TTL: variants seen among roughly 807,000 people sequenced by gnomAD.
TTL encodes tubulin--tyrosine ligase.
A neutral mutation model predicts 41.1 loss-of-function variants in TTL; 10 were observed. The ratio of observed to expected loss-of-function variants is 0.24; its 90% confidence interval spans 0.15 to 0.41. TTL has a LOEUF of 0.41. Ranked by LOEUF, TTL falls within the 10% of genes least tolerant of loss-of-function variation. The pLI, the probability that TTL is intolerant of heterozygous loss-of-function variation, is 1.00. For missense variants in TTL, 367 were observed against 460.4 expected (o/e 0.80, Z 1.86); for synonymous variants, 175 against 175.5 (o/e 1.00, Z 0.02).
At chr2:112,520,574 G>C in intron 6 of TTL, 149 bp downstream of exon 6, 1 of 1,096,324 alleles carries the variant, frequency 9.1e-7, no homozygotes, top group Non-Finnish European at 1.3e-6. Flanking sequence ...TCTGGCAGGG[G>C]GCTTTGCTGA....
chr2:112,523,546 G>A (rs56404625), intron 6 of TTL, among the ~76,000 whole-genome samples: 3,566 of 151,806 alleles, frequency 0.023, 70 homozygotes, highest in Non-Finnish European at 0.038. Flanking sequence ...TCACTGGGGA[G>A]TCTTCTCCAG....
At chr2:112,516,046 C>G (rs951947252) in intron 5 of TTL, among the ~76,000 whole-genome samples, 3 of 152,090 alleles carry the variant, frequency 2.0e-5, no homozygotes, top group African/African-American at 4.8e-5. Context: ...ACCTTAGATT[C>G]ATTTTGCTTG....
rs1289850439 is a variant in TTL, at chr2:112,486,035, T to G, written c.236+40T>G. 3 of 1,599,144 alleles carry G rather than the reference T, an allele frequency of 1.9e-6. No homozygotes were observed. The African/African-American group carries it at 4.0e-5, about 21-fold the overall frequency. ...CGCTGTTTTCCATTTTTTACCTAAA[T>G]GAAGCACTTAGGCAAAAATGTGGGG... is the stretch of plus-strand genomic sequence containing the variant. On this transcript the variant is annotated intron_variant, in intron 2 of 6. Coordinates refer to ENST00000233336, the MANE Select transcript of TTL (RefSeq NM_153712.5).
rs529952058 is a variant in TTL at position 112,531,064 on chromosome 2, C to T, written c.*2269C>T. ...TTGTAATCATAGCACACTGCAGCCT[C>T]GAATTTCTGGGCTTGAGCAGTCCTC... is the stretch of plus-strand genomic sequence containing the variant. On this transcript the variant is annotated 3_prime_UTR_variant, in exon 7 of 7. Transcript: ENST00000233336. 200 of 203,174 alleles carry T rather than the reference C, an allele frequency of 9.8e-4. 4 individuals are homozygous for T. In the South Asian group the frequency reaches 0.036, roughly 36 times the overall value. The allele number at this position is 203,174 out of a possible 1,614,324, so 12.6% of individuals were successfully genotyped here. A position where few individuals can be genotyped will look rare whatever the true frequency, so the allele number is the denominator to read the frequency against.
rs1682565177 is a variant in TTL at position 112,534,492 on chromosome 2, G to A, written c.*5697G>A. 1 of 152,840 alleles carries A rather than the reference G, an allele frequency of 6.5e-6. No homozygotes were observed. The highest frequency in any genetic ancestry group is 2.1e-4 in the South Asian group (1 of 4,830). 9.5% of individuals were successfully genotyped at this position (152,840 alleles called of 1,614,324 possible). A position where few individuals can be genotyped will look rare whatever the true frequency, so the allele number is the denominator to read the frequency against. On this transcript the variant is annotated 3_prime_UTR_variant, in exon 7 of 7. Transcript: ENST00000233336. ...AGCAGAGCAGCCACCGTAGGGCTCA[G>A]AAGGGGATTGGAACTCCTCCAAAGC...
At chr2:112,514,543 G>A (rs940460806) in intron 5 of TTL, among the ~76,000 whole-genome samples, 3 of 152,156 alleles carry the variant, frequency 2.0e-5, no homozygotes, top group African/African-American at 7.2e-5. Context: ...TACTCTGAAG[G>A]TTGCATACCA....
rs779657981 is a variant in TTL at position 112,494,183 on chromosome 2, T to C, written c.277T>C (p.Trp93Arg). ...CCCTGAACTGGCTGAGTCCTGCACA[T>C]GGTTCCCTGAATCTTATGTGATTTA... The part of the protein sequence containing the change: ...TSPELAESCT[W>R]FPESYVIYPT... Residue 93 changes from tryptophan (W) to arginine (R), a missense_variant, in exon 3 of 7, where the codon TGG becomes CGG. Coordinates refer to ENST00000233336, the MANE Select transcript of TTL (RefSeq NM_153712.5). The C allele has an allele frequency of 1.2e-5, 20 of 1,614,206 alleles. No individual in the cohort carries two copies. In the East Asian group the frequency reaches 4.0e-4, roughly 32 times the overall value.
In TTL at chr2:112,529,393, A is replaced by G. The variant is rs1682451094; in HGVS notation, c.*598A>G. On this transcript the variant is annotated 3_prime_UTR_variant, in exon 7 of 7. Transcript: ENST00000233336. ...GTTTGTGCGGGTTGGGCCCCAAAACAGCATATGCTGCTCTAAGTCTGCTCT... is the reference window on the plus strand; with the variant it reads ...GTTTGTGCGGGTTGGGCCCCAAAACGGCATATGCTGCTCTAAGTCTGCTCT... The G allele has an allele frequency of 4.4e-6, 1 of 229,700 alleles. No homozygotes were observed. The highest frequency in any genetic ancestry group is 8.6e-6 in the Non-Finnish European group (1 of 115,724). The allele number at this position is 229,700 out of a possible 1,614,324, so 14.2% of individuals were successfully genotyped here. A position where few individuals can be genotyped will look rare whatever the true frequency, so the allele number is the denominator to read the frequency against.
rs1250127441 is a variant in TTL, at chr2:112,533,972, C to G, written c.*5177C>G. 2 of 152,042 alleles carry G rather than the reference C, an allele frequency of 1.3e-5. No homozygotes were observed. The highest frequency in any genetic ancestry group is 2.9e-5 in the Non-Finnish European group (2 of 68,006). The allele number at this position is 152,042 out of a possible 1,614,324, so 9.4% of individuals were successfully genotyped here. Reference sequence around the variant, plus strand: ...TAATAGAGTAACAACCTCTGAAAACCCTCTCTTCCATAAAAGCAATGAGAA... The same window carrying G: ...TAATAGAGTAACAACCTCTGAAAACGCTCTCTTCCATAAAAGCAATGAGAA... On this transcript the variant is annotated 3_prime_UTR_variant, in exon 7 of 7. Coordinates refer to ENST00000233336, the MANE Select transcript of TTL (RefSeq NM_153712.5).
At chr2:112,517,516 T>A (rs1187516492) in intron 5 of TTL, among the ~76,000 whole-genome samples, 1 of 151,980 alleles carries the variant, frequency 6.6e-6, no homozygotes, top group East Asian at 1.9e-4. Flanking sequence ...CCCAAAGTGC[T>A]GGGATTACGG....
intron 2 of TTL, among the ~76,000 whole-genome samples, chr2:112,491,479 G>A (rs1207184271): frequency 6.6e-6 from 1 of 152,160 alleles, no homozygotes; most frequent in Non-Finnish European, 1.5e-5. Context: ...GAAAGGTTTT[G>A]TAGTCTGTGG....
rs999237645 is a variant in TTL, at chr2:112,540,920, A to G, written c.*12125A>G. On this transcript the variant is annotated 3_prime_UTR_variant, in exon 7 of 7. Coordinates refer to ENST00000233336, the MANE Select transcript of TTL (RefSeq NM_153712.5). ...AGGTGAAAATCCCCATGATTGAAAAATATCTAGTATTTGATAGCACAACAG... is the reference window on the plus strand; with the variant it reads ...AGGTGAAAATCCCCATGATTGAAAAGTATCTAGTATTTGATAGCACAACAG... 1 of 152,236 alleles carries G rather than the reference A, an allele frequency of 6.6e-6. No homozygotes were observed. Among genetic ancestry groups the G allele is most frequent in the Non-Finnish European group, 1.5e-5 (1 of 68,038 alleles). The allele number at this position is 152,236 out of a possible 1,614,324, so 9.4% of individuals were successfully genotyped here.
At position 112,534,743 on chromosome 2, in the gene TTL, A is replaced by G. The variant is rs1682568686; in HGVS notation, c.*5948A>G. The G allele has an allele frequency of 6.6e-6, 1 of 152,252 alleles. No homozygotes were observed. The highest frequency in any genetic ancestry group is 6.5e-5 in the Admixed American group (1 of 15,272). 9.4% of individuals were successfully genotyped at this position (152,252 alleles called of 1,614,324 possible). A position where few individuals can be genotyped will look rare whatever the true frequency, so the allele number is the denominator to read the frequency against. ...AACTGACCAAAAGACTTAGAAGGAA[A>G]AACTGGGAATGAGATTTCTATAGGA... On this transcript the variant is annotated 3_prime_UTR_variant, in exon 7 of 7. Transcript: ENST00000233336.
rs552910070 is a variant in TTL, at chr2:112,534,851, C to T, written c.*6056C>T. The T allele has an allele frequency of 6.0e-5, 9 of 150,910 alleles. No individual in the cohort carries two copies. Among genetic ancestry groups the T allele is most frequent in the African/African-American group, 2.0e-4 (8 of 40,258 alleles). 9.3% of individuals were successfully genotyped at this position (150,910 alleles called of 1,614,324 possible). A position where few individuals can be genotyped will look rare whatever the true frequency, so the allele number is the denominator to read the frequency against. Reference sequence around the variant, plus strand: ...GACTGTGCACATGCCCAGAAGAGACCTGAGAATTCCCCAGCTCTTTCGTCT... The same window carrying T: ...GACTGTGCACATGCCCAGAAGAGACTTGAGAATTCCCCAGCTCTTTCGTCT... On this transcript the variant is annotated 3_prime_UTR_variant, in exon 7 of 7. Transcript: ENST00000233336.
rs1472821276 is a variant in TTL at position 112,538,561 on chromosome 2, T to C, written c.*9766T>C. On this transcript the variant is annotated 3_prime_UTR_variant, in exon 7 of 7. Transcript: ENST00000233336. ...AGGAGGCCAAGGTGGGCAGATCAAATGAGGCCAGGAGTTTGAGTCCAGCCT... is the reference window on the plus strand; with the variant it reads ...AGGAGGCCAAGGTGGGCAGATCAAACGAGGCCAGGAGTTTGAGTCCAGCCT... 6 of 152,058 alleles carry C rather than the reference T, an allele frequency of 3.9e-5. No homozygotes were observed. Among genetic ancestry groups the C allele is most frequent in the Non-Finnish European group, 7.3e-5 (5 of 68,044 alleles). 9.4% of individuals were successfully genotyped at this position (152,058 alleles called of 1,614,324 possible).
In TTL at chr2:112,485,982, G is replaced by A; in HGVS notation, c.223G>A (p.Ala75Thr). 1.2e-6 allele frequency: 2 copies of A among 1,614,192 alleles called. No homozygotes were observed. Among genetic ancestry groups the A allele is most frequent in the Non-Finnish European group, 1.7e-6 (2 of 1,180,028 alleles). ...YRGADKLCRK[A>T]SLVKLIKTSP... ...GGGTGCTGACAAACTGTGTCGCAAA[G>A]CTTCTTTAGTGAAGTAAGTGTTAAG... The change falls in exon 2 of 7, where the codon GCT (alanine) becomes ACT (threonine). Residue 75 changes from alanine to threonine, a missense_variant. Coordinates refer to ENST00000233336, the MANE Select transcript of TTL (RefSeq NM_153712.5).
chr2:112,487,548 G>GT (rs1366929875), intron 2 of TTL, among the ~76,000 whole-genome samples: 1 of 152,206 alleles, frequency 6.6e-6, no homozygotes, highest in Non-Finnish European at 1.5e-5. Context: ...ATATTTTGCA[G>GT]TTATAGTGAA....
chr2:112,483,551 T>C (rs1681153972), intron 1 of TTL: 1 of 152,210 alleles, frequency 6.6e-6, no homozygotes, highest in Non-Finnish European at 1.5e-5. Flanking sequence ...GAGAGAGCAA[T>C]GTTCTATGTC....
rs1267420414 is a variant in TTL at position 112,537,448 on chromosome 2, C to T, written c.*8653C>T. 1.3e-5 allele frequency: 2 copies of T among 152,234 alleles called. No individual in the cohort carries two copies. Among genetic ancestry groups the T allele is most frequent in the Admixed American group, 1.3e-4 (2 of 15,278 alleles). The allele number at this position is 152,234 out of a possible 1,614,324, so 9.4% of individuals were successfully genotyped here. ...ACAGTGGTTCAACCAATTTACATTC[C>T]TGCCAGCAGTGTATAAGCATTCTCT... On this transcript the variant is annotated 3_prime_UTR_variant, in exon 7 of 7. Transcript: ENST00000233336.
Sources: gnomAD v4.1 joint callset for allele counts (sites outside exome capture counted in the v4.1 genomes callset) on GRCh38, gnomAD v4.1.1 for gene constraint, MANE v1.5 for transcripts, NCBI Gene and HGNC (gene_info 2026-07-23, HGNC 2026-07-21) for gene names.